ATP8B1: variants seen among roughly 807,000 people sequenced by gnomAD.
The protein encoded by ATP8B1 is phospholipid-transporting ATPase IC.
A neutral mutation model predicts 149.9 loss-of-function variants in ATP8B1; 80 were observed. The ratio of observed to expected loss-of-function variants is 0.53; its 90% CI spans 0.45 to 0.64. The LOEUF (loss-of-function observed/expected upper bound fraction) is 0.64. ATP8B1 is among the 30% of genes least tolerant of loss of function. ATP8B1 has a pLI of 0.00. For missense variants in ATP8B1, 1,247 were observed against 1,552.6 expected, an observed-to-expected ratio of 0.80 and a Z score of 3.31; for synonymous variants, 536 against 562.8, an observed-to-expected ratio of 0.95 and a Z score of 0.67.
At chr18:57,748,846 GTT>G in intron 1 of ATP8B1, among the ~76,000 whole-genome samples, 1 of 152,266 alleles carries the variant, frequency 6.6e-6, no homozygotes, top group African/African-American at 2.4e-5. Context: ...AGGTTTAACA[GTT>G]ATTTGCAGAG....
At chr18:57,752,544 C>T (rs947311337) in intron 1 of ATP8B1, among the ~76,000 whole-genome samples, 5 of 152,174 alleles carry the variant, frequency 3.3e-5, no homozygotes, top group Non-Finnish European at 7.3e-5. Context: ...CTGAGTGAGG[C>T]ATTCCAGTGA....
chr18:57,778,531 A>C lies in ATP8B1; in HGVS notation c.-26+24467T>G, dbSNP rs1229247264. On this transcript the variant is annotated intron_variant, in intron 1 of 27. Transcript: ENST00000648908. The stretch of plus-strand genomic sequence containing the variant: ...AGGCATGAGCCACCGCGCCCGGCCT[A>C]TAATCTCAGTTTCAATGGATCAAGA... Among the ~76,000 whole-genome samples the C allele has an allele frequency of 2.6e-5, 4 of 152,154 alleles. No homozygotes were observed. The East Asian group carries it at 7.7e-4, about 29-fold the overall frequency.
intron 10 of ATP8B1, 102 bp downstream of exon 10, chr18:57,695,069 T>C: frequency 1.2e-6 from 1 of 851,512 alleles, no homozygotes; most frequent in Non-Finnish European, 1.9e-6. Flanking sequence ...CATGATGCTA[T>C]TACTCTTCTT....
chr18:57,711,054 G>A (rs73959331), intron 2 of ATP8B1, among the ~76,000 whole-genome samples: 1,623 of 152,250 alleles, frequency 0.011, 35 homozygotes, highest in African/African-American at 0.037. Flanking sequence ...GTAATGCTTG[G>A]GATGACATTC....
intron 12 of ATP8B1, 61 bp downstream of exon 12, chr18:57,691,746 A>G: frequency 6.3e-7 from 1 of 1,575,250 alleles, no homozygotes; most frequent in Non-Finnish European, 8.7e-7. Flanking sequence ...TGAAGGCACT[A>G]TGTTGGGAGA....
At chr18:57,797,614 C>G (rs1441935834) in intron 1 of ATP8B1, among the ~76,000 whole-genome samples, 1 of 151,994 alleles carries the variant, frequency 6.6e-6, no homozygotes, top group Non-Finnish European at 1.5e-5. Context: ...GGGCTATCCC[C>G]CAGGACCTAA....
chr18:57,759,092 G>A (rs1025340430), intron 1 of ATP8B1, among the ~76,000 whole-genome samples: 1 of 146,684 alleles, frequency 6.8e-6, no homozygotes, highest in Non-Finnish European at 1.5e-5. Context: ...GGAGGTGGAG[G>A]TTGCAATGAG....
chr18:57,663,224 A>C (rs1050588360), intron 20 of ATP8B1, among the ~76,000 whole-genome samples: 1 of 152,168 alleles, frequency 6.6e-6, no homozygotes, highest in Non-Finnish European at 1.5e-5. Flanking sequence ...CACTTAGCTT[A>C]ATGTCTTCAA....
intron 2 of ATP8B1, among the ~76,000 whole-genome samples, chr18:57,730,242 G>A (rs543070758): frequency 6.7e-6 from 1 of 149,016 alleles, no homozygotes; most frequent in Admixed American, 6.7e-5. Flanking sequence ...CTAGAGGGGG[G>A]GTTTGGCATG....
chr18:57,717,723 TTTTGGTTTGG>T (rs1055717648), intron 2 of ATP8B1, among the ~76,000 whole-genome samples: 83 of 151,356 alleles, frequency 5.5e-4, no homozygotes, highest in African/African-American at 1.9e-3. Context: ...CGGTTTTTTG[TTTTGGTTTGG>T]TTTGGTTTGG....
intron 22 of ATP8B1, 111 bp downstream of exon 22, chr18:57,661,063 A>G (rs760221531): frequency 7.1e-7 from 1 of 1,406,236 alleles, no homozygotes; most frequent in African/African-American, 1.4e-5. Flanking sequence ...CATCTGCTCT[A>G]TGAAAACCTA....
rs754496503 is a variant in ATP8B1, at chr18:57,731,760, C to T, written c.48G>A (p.Gln16=). 4 of 1,614,084 alleles carry T rather than the reference C, an allele frequency of 2.5e-6. No individual in the cohort carries two copies. The highest frequency in any genetic ancestry group is 3.4e-6 in the Non-Finnish European group (4 of 1,180,026). ...TGTAGGGAACCACTTCGTCATTAGG[C>T]TGAGAATCCTCGTCAAATGTCGTTT... ...DSETTFDEDS[Q]PNDEVVPYSD... is the part of the protein sequence containing the mutation. Residue 16 remains glutamine, a synonymous_variant, in exon 2 of 28, where the codon CAG becomes CAA. Coordinates refer to ENST00000648908, the MANE Select transcript of ATP8B1 (RefSeq NM_001374385.1).
chr18:57,688,715 G>A, intron 12 of ATP8B1: 1 of 594,296 alleles, frequency 1.7e-6, no homozygotes, highest in South Asian at 1.9e-5. Flanking sequence ...ATTAGGTCAT[G>A]AGGGCTCCAC....
At chr18:57,728,430 G>A (rs1003261551) in intron 2 of ATP8B1, among the ~76,000 whole-genome samples, 1 of 152,052 alleles carries the variant, frequency 6.6e-6, no homozygotes, top group African/African-American at 2.4e-5. Context: ...TGAGAATATA[G>A]TGGGAAAGGA....
At chr18:57,659,656 C>CAAAAAA (rs34614361) in intron 22 of ATP8B1, 1 of 130,562 alleles carries the variant, frequency 7.7e-6, no homozygotes. Context: ...CAAGCACATG[C>CAAAAAA]AAAAAAAAAA....
chr18:57,758,168 A>T (rs918466309), intron 1 of ATP8B1, among the ~76,000 whole-genome samples: 2 of 152,044 alleles, frequency 1.3e-5, no homozygotes, highest in African/African-American at 2.4e-5. Context: ...CCCATCCTTG[A>T]TTTAAATTTA....
chr18:57,788,685 T>G (rs1008369324), intron 1 of ATP8B1, among the ~76,000 whole-genome samples: 2 of 152,188 alleles, frequency 1.3e-5, no homozygotes, highest in Non-Finnish European at 2.9e-5. Flanking sequence ...TTCCCTTGTG[T>G]TTCTCATCTG....
chr18:57,719,552 C>T (rs1037036805), intron 2 of ATP8B1, among the ~76,000 whole-genome samples: 4 of 152,176 alleles, frequency 2.6e-5, no homozygotes, highest in African/African-American at 9.7e-5. Context: ...CTTTTCAGAC[C>T]GGCTTGAAAA....
At chr18:57,687,535 A>G (rs1298726819) in intron 13 of ATP8B1, among the ~76,000 whole-genome samples, 1 of 152,100 alleles carries the variant, frequency 6.6e-6, no homozygotes, top group African/African-American at 2.4e-5. Context: ...TCTGTGTTGT[A>G]GCATGTGTCA....
Sources: gnomAD v4.1 joint callset for allele counts (sites outside exome capture counted in the v4.1 genomes callset) on GRCh38, gnomAD v4.1.1 for gene constraint, MANE v1.5 for transcripts, NCBI Gene and HGNC (gene_info 2026-07-23, HGNC 2026-07-21) for gene names.